Variants in ZGPAT observed in about 807,000 individuals in gnomAD.
ZGPAT encodes the protein zinc finger CCCH-type with G patch domain-containing protein.
ZGPAT carries 39 observed loss-of-function variants against 47.9 expected under a neutral mutation model. The observed-to-expected ratio is 0.81, with a 90% confidence interval of 0.63 to 1.06. ZGPAT has a LOEUF of 1.06. ZGPAT is among the 50% of genes least tolerant of loss of function. The probability of loss-of-function intolerance (pLI) is 0.00; values close to 1 mark genes in which losing one functional copy is unlikely to be tolerated. For missense variants in ZGPAT, 717 were observed against 681.4 expected (o/e 1.05, Z -0.58); for synonymous variants, 348 against 292.9 (o/e 1.19, Z -1.92).
chr20:63,722,742 C>T (rs2091801190), intron 2 of ZGPAT, among the ~76,000 whole-genome samples: 1 of 152,032 alleles, frequency 6.6e-6, no homozygotes, highest in Admixed American at 6.6e-5. Context: ...ACGCCATTCT[C>T]CTGCCTCAGC....
At chr20:63,734,298 C>T (rs1373650772) in intron 4 of ZGPAT, 3 of 294,466 alleles carry the variant, frequency 1.0e-5, no homozygotes, top group African/African-American at 4.3e-5. Flanking sequence ...GAGGTGTACC[C>T]AGGGATCAGT....
chr20:63,723,148 C>T (rs1466839134), intron 2 of ZGPAT, among the ~76,000 whole-genome samples: 1 of 150,030 alleles, frequency 6.7e-6, no homozygotes, highest in African/African-American at 2.5e-5. Flanking sequence ...GACATAGCTC[C>T]ATCCTCCCTT....
rs767059625 is a variant in ZGPAT at position 63,708,818 on chromosome 20, C to T, written c.238C>T (p.Gln80Ter). The change falls in exon 2 of 7, where the codon CAG (glutamine) becomes TAG (stop). Residue 80 changes from glutamine to a stop codon, truncating the protein, a stop_gained. Coordinates refer to ENST00000355969, the MANE Select transcript of ZGPAT (RefSeq NM_181485.3). LOFTEE classifies it high-confidence loss of function. The part of the protein sequence containing the change: ...RPGRQEDAEY[Q>*]AFREAITEAV... Reference sequence around the variant, plus strand: ...GGGCCGCCAGGAAGATGCTGAGTACCAGGCTTTCCGGGAGGCCATCACTGA... The same window carrying T: ...GGGCCGCCAGGAAGATGCTGAGTACTAGGCTTTCCGGGAGGCCATCACTGA... The T allele has an allele frequency of 1.9e-6, 3 of 1,606,188 alleles. No individual in the cohort carries two copies. Among genetic ancestry groups the T allele is most frequent in the Non-Finnish European group, 2.6e-6 (3 of 1,175,322 alleles).
chr20:63,734,466 C>G (rs2091956286), intron 4 of ZGPAT: 4 of 689,936 alleles, frequency 5.8e-6, no homozygotes, highest in Non-Finnish European at 9.5e-6. Flanking sequence ...GCCGTGGGGA[C>G]TGCCATGCAC....
intron 2 of ZGPAT, among the ~76,000 whole-genome samples, chr20:63,720,370 T>G (rs1277426097): frequency 6.6e-6 from 1 of 151,952 alleles, no homozygotes; most frequent in Non-Finnish European, 1.5e-5. Context: ...TTAGCCAGGA[T>G]GGTCTCGATC....
chr20:63,725,092 C>G (rs1337122295), intron 2 of ZGPAT, among the ~76,000 whole-genome samples: 1 of 150,160 alleles, frequency 6.7e-6, no homozygotes. Context: ...TCACGCCATT[C>G]TCCTGCCTCA....
intron 2 of ZGPAT, among the ~76,000 whole-genome samples, chr20:63,709,628 C>T (rs1299260421): frequency 1.3e-5 from 2 of 151,962 alleles, no homozygotes; most frequent in Non-Finnish European, 2.9e-5. Context: ...CAGTGCAAGG[C>T]TTATGTGGAA....
rs2091946054 is a variant in ZGPAT, at chr20:63,733,660, C to T, written c.792C>T (p.Gly264=). The T allele has an allele frequency of 6.2e-7, 1 of 1,613,974 alleles. No homozygotes were observed. Among genetic ancestry groups the T allele is most frequent in the South Asian group, 1.1e-5 (1 of 91,084 alleles). Reference sequence around the variant, plus strand: ...GGGAGGCCGTGGTGGAGGGGGACGGCATCCTGCCCCCACTGCGCACAGAGG... The same window carrying T: ...GGGAGGCCGTGGTGGAGGGGGACGGTATCCTGCCCCCACTGCGCACAGAGG... ...LLREAVVEGD[G]ILPPLRTEAT... is the part of the protein sequence containing the mutation. The change falls in exon 4 of 7, where the codon GGC becomes GGT. Residue 264 remains glycine, a synonymous_variant. Transcript: ENST00000355969.
intron 2 of ZGPAT, among the ~76,000 whole-genome samples, chr20:63,731,498 A>T (rs112756706): frequency 0.01 from 808 of 78,958 alleles, no homozygotes; most frequent in East Asian, 0.089. Context: ...AAAGTGTACA[A>T]TTGGCCCTTG....
In ZGPAT at chr20:63,708,722, G is replaced by C; in HGVS notation, c.142G>C (p.Glu48Gln). ...GCAGGGGGACCTGAAGGAGCTCATC[G>C]AGCTCACCGAGGCCAGCCTGGTGTC... is the stretch of plus-strand genomic sequence containing the variant. The part of the protein sequence containing the change: ...QLQGDLKELI[E>Q]LTEASLVSVR... The change falls in exon 2 of 7, where the codon GAG (glutamate) becomes CAG (glutamine). Residue 48 changes from glutamate to glutamine, a missense_variant. Transcript: ENST00000355969. The C allele has an allele frequency of 6.2e-7, 1 of 1,612,748 alleles. No homozygotes were observed. Among genetic ancestry groups the C allele is most frequent in the Non-Finnish European group, 8.5e-7 (1 of 1,179,894 alleles).
At chr20:63,732,981 T>C (rs925117335) in intron 2 of ZGPAT, among the ~76,000 whole-genome samples, 4 of 151,868 alleles carry the variant, frequency 2.6e-5, no homozygotes, top group African/African-American at 9.7e-5. Flanking sequence ...TGTGCATGTG[T>C]ATCTGTATGT....
rs1233802667 is a variant in ZGPAT, at chr20:63,735,068, G to A, written c.992-91G>A. ...CCATCTCCGTGCTCCTCAGATTCCC[G>A]GGGTCCCGTGGCCACAGCACTGCCA... On this transcript the variant is annotated intron_variant, in intron 5 of 6. Coordinates refer to ENST00000355969, the MANE Select transcript of ZGPAT (RefSeq NM_181485.3). 11 of 1,423,492 alleles carry A rather than the reference G, an allele frequency of 7.7e-6. No homozygotes were observed. The Admixed American group carries it at 8.9e-5, about 12-fold the overall frequency. The allele number at this position is 1,423,492 out of a possible 1,614,324, so 88.2% of individuals were successfully genotyped here. A position where few individuals can be genotyped will look rare whatever the true frequency, so the allele number is the denominator to read the frequency against.
intron 2 of ZGPAT, among the ~76,000 whole-genome samples, chr20:63,733,000 ATATGTGCATGTGT>A (rs2091936377): frequency 6.7e-6 from 1 of 148,824 alleles, no homozygotes; most frequent in South Asian, 2.2e-4. Context: ...GTGCGTGTGT[ATATGTGCATGTGT>A]GTATGTGTGC....
At chr20:63,726,565 C>G (rs1249146456) in intron 2 of ZGPAT, among the ~76,000 whole-genome samples, 3 of 151,846 alleles carry the variant, frequency 2.0e-5, no homozygotes, top group African/African-American at 7.3e-5. Flanking sequence ...CTCTGTCGCC[C>G]AGGCTGAAGT....
At chr20:63,719,762 C>T (rs150855692) in intron 2 of ZGPAT, among the ~76,000 whole-genome samples, 36 of 146,404 alleles carry the variant, frequency 2.5e-4, no homozygotes, top group Admixed American at 2.3e-3. Flanking sequence ...TTTTTTGAAG[C>T]GGGGTTTCAC....
Position 63,731,355 on chromosome 20 carries a change from TGA to T in ZGPAT, c.585-1861_585-1860del, listed in dbSNP as rs1468923775. Among the ~76,000 whole-genome samples, 840 of 149,508 alleles carry T rather than the reference TGA, an allele frequency of 5.6e-3. 6 individuals carry two copies. Among genetic ancestry groups the T allele is most frequent in the Non-Finnish European group, 0.01 (680 of 67,342 alleles). On this transcript the variant is annotated intron_variant, in intron 2 of 6. Transcript: ENST00000355969. The stretch of plus-strand genomic sequence containing the variant: ...AGTGTACAGTTGGCCCTTGTGTGTG[TGA>T]GATTGTGTATGTGCATACGTGTGTA...
intron 2 of ZGPAT, among the ~76,000 whole-genome samples, chr20:63,713,018 C>T: frequency 6.6e-6 from 1 of 152,144 alleles, no homozygotes; most frequent in Non-Finnish European, 1.5e-5. Context: ...TCAAGTCTTG[C>T]ACATTCTTGG....
intron 2 of ZGPAT, among the ~76,000 whole-genome samples, chr20:63,732,921 C>CATGTGT (rs2091934456): frequency 6.6e-6 from 1 of 151,168 alleles, no homozygotes; most frequent in Middle Eastern, 3.4e-3. Context: ...TGTGTATATG[C>CATGTGT]CTGCATGTAT....
In ZGPAT at chr20:63,733,738, A is replaced by C; in HGVS notation, c.870A>C (p.Arg290Ser). 8 of 1,608,130 alleles carry C rather than the reference A, an allele frequency of 5.0e-6. No individual in the cohort carries two copies. Among genetic ancestry groups the C allele is most frequent in the Non-Finnish European group, 6.8e-6 (8 of 1,176,222 alleles). ...SDGTGDSSYA[R>S]VVGSDAVDSG... ...GTACGGGTGACTCCAGCTATGCCAGAGGTATGGCAGCAGCTGCGGAGCCCA... is the reference window on the plus strand; with the variant it reads ...GTACGGGTGACTCCAGCTATGCCAGCGGTATGGCAGCAGCTGCGGAGCCCA... The change falls in exon 4 of 7, where the codon AGA (arginine) becomes AGC (serine). Residue 290 changes from arginine to serine, a missense_variant and splice_region_variant. Transcript: ENST00000355969.
Sources: allele counts gnomAD v4.1 joint callset (sites outside exome capture counted in the v4.1 genomes callset), GRCh38; gene constraint gnomAD v4.1.1; transcripts MANE v1.5; gene names NCBI Gene and HGNC (gene_info 2026-07-23, HGNC 2026-07-21).